Variants in EIF4G3 observed in about 807,000 individuals in gnomAD.
EIF4G3 encodes the protein eukaryotic translation initiation factor 4 gamma 3.
A neutral mutation model predicts 186.4 loss-of-function variants in EIF4G3; 34 were observed. The observed-to-expected ratio is 0.18, with a 90% CI of 0.14 to 0.24. The LOEUF is 0.24. Ranked by LOEUF, EIF4G3 falls within the 10% of genes least tolerant of loss-of-function variation. The pLI, the probability that EIF4G3 is intolerant of heterozygous loss-of-function variation, is 1.00. For missense variants in EIF4G3, 1,536 were observed against 1,948.5 expected, an observed-to-expected ratio of 0.79 and a Z score of 3.99; for synonymous variants, 673 against 679.5, an observed-to-expected ratio of 0.99 and a Z score of 0.15.
intron 14 of EIF4G3, among the ~76,000 whole-genome samples, chr1:20,926,164 G>A (rs1297880469): frequency 2.6e-5 from 4 of 152,112 alleles, no homozygotes; most frequent in African/African-American, 9.7e-5. Context: ...CTTAATTTGA[G>A]AGGCAATATT....
chr1:21,057,424 C>T (rs951024369), intron 3 of EIF4G3, among the ~76,000 whole-genome samples: 12 of 152,036 alleles, frequency 7.9e-5, no homozygotes, highest in African/African-American at 2.9e-4. Context: ...TTCCATTTAT[C>T]CAAATATCCA....
At chr1:20,921,695 G>T (rs1456688898) in intron 14 of EIF4G3, among the ~76,000 whole-genome samples, 2 of 152,206 alleles carry the variant, frequency 1.3e-5, no homozygotes, top group African/African-American at 4.8e-5. Context: ...CAGGTGAGGA[G>T]ATAATGCTTA....
intron 10 of EIF4G3, among the ~76,000 whole-genome samples, chr1:20,976,904 G>A (rs4654892): frequency 0.94 from 143,601 of 152,220 alleles, 68,290 homozygotes; most frequent in Middle Eastern, 1. Context: ...ATCATAAATT[G>A]TGATTCATTC....
intron 8 of EIF4G3, among the ~76,000 whole-genome samples, chr1:20,981,749 CATAT>C (rs1039366104): frequency 4.1e-5 from 6 of 147,570 alleles, no homozygotes; most frequent in Admixed American, 6.9e-5. Flanking sequence ...TATACACATA[CATAT>C]ATGTATACAC....
At chr1:21,024,873 C>T (rs2091805479) in intron 4 of EIF4G3, among the ~76,000 whole-genome samples, 1 of 142,114 alleles carries the variant, frequency 7.0e-6, no homozygotes, top group African/African-American at 2.6e-5. Flanking sequence ...TGAGAAACAC[C>T]CAATAATTAT....
intron 32 of EIF4G3, among the ~76,000 whole-genome samples, chr1:20,825,858 C>A (rs1455084850): frequency 6.6e-6 from 1 of 151,994 alleles, no homozygotes; most frequent in African/African-American, 2.4e-5. Context: ...AAGGTTGAGC[C>A]CAAGAGAGAG....
intron 12 of EIF4G3, among the ~76,000 whole-genome samples, chr1:20,968,676 C>T (rs1339525088): frequency 6.6e-6 from 1 of 152,028 alleles, no homozygotes; most frequent in Non-Finnish European, 1.5e-5. Flanking sequence ...TTCAGAGATT[C>T]AACCAACGGT....
chr1:21,143,066 T>C (rs562214199), intron 2 of EIF4G3, among the ~76,000 whole-genome samples: 6 of 152,066 alleles, frequency 3.9e-5, no homozygotes, highest in South Asian at 4.1e-4. Flanking sequence ...CTGACCAACA[T>C]GATGAAACCC....
intron 14 of EIF4G3, among the ~76,000 whole-genome samples, chr1:20,934,188 T>C (rs564722312): frequency 3.3e-5 from 5 of 152,302 alleles, no homozygotes; most frequent in African/African-American, 1.2e-4. Context: ...GGAAGATAAA[T>C]GTGTGTCTAC....
chr1:21,096,908 G>A (rs2096386800), intron 2 of EIF4G3, among the ~76,000 whole-genome samples: 1 of 152,166 alleles, frequency 6.6e-6, no homozygotes, highest in Non-Finnish European at 1.5e-5. Flanking sequence ...TAATGTGCTA[G>A]AAGTTTCAGT....
At chr1:21,035,911 CT>C (rs1448566261) in intron 4 of EIF4G3, among the ~76,000 whole-genome samples, 1 of 152,184 alleles carries the variant, frequency 6.6e-6, no homozygotes, top group Non-Finnish European at 1.5e-5. Flanking sequence ...ACCACCTCCC[CT>C]GTAAGGCCCA....
At chr1:20,999,381 C>A in intron 6 of EIF4G3, 1 of 379,440 alleles carries the variant, frequency 2.6e-6, no homozygotes, top group Non-Finnish European at 5.3e-6. Context: ...CAGGCAATAC[C>A]ACCCATGTGG....
intron 2 of EIF4G3, among the ~76,000 whole-genome samples, chr1:21,164,165 C>G (rs1365850188): frequency 6.6e-6 from 1 of 152,124 alleles, no homozygotes; most frequent in East Asian, 1.9e-4. Context: ...CCTGACAGAA[C>G]TAACACTATG....
rs534916821 is a variant in EIF4G3, at chr1:21,014,297, T to C, written c.-66-11489A>G. Among the ~76,000 whole-genome samples the C allele has an allele frequency of 6.7e-4, 102 of 152,360 alleles. 1 individual carries two copies. The highest frequency in any genetic ancestry group is 2.2e-3 in the African/African-American group (93 of 41,592). ...AGTTCAAAAGTTAAAGACAAGTTCC[T>C]GGGGTATTTGGTTTTTATTTCTTTT... is the stretch of plus-strand genomic sequence containing the variant. On this transcript the variant is annotated intron_variant, in intron 4 of 36. Transcript: ENST00000602326.
chr1:21,051,959 G>A (rs901919069), intron 3 of EIF4G3, among the ~76,000 whole-genome samples: 4 of 152,062 alleles, frequency 2.6e-5, no homozygotes, highest in African/African-American at 9.7e-5. Context: ...GTTTACGTAT[G>A]CATATAATAC....
intron 2 of EIF4G3, among the ~76,000 whole-genome samples, chr1:21,165,283 A>G (rs1284365278): frequency 1.3e-5 from 2 of 152,240 alleles, no homozygotes; most frequent in Admixed American, 6.5e-5. Context: ...GCTCCTCCAA[A>G]TGTTAAACAT....
At chr1:20,991,522 C>A (rs78013356) in intron 7 of EIF4G3, among the ~76,000 whole-genome samples, 5 of 151,288 alleles carry the variant, frequency 3.3e-5, no homozygotes, top group Non-Finnish European at 7.4e-5. Flanking sequence ...GAGCTGAGAT[C>A]GTGCCACTGC....
In EIF4G3 at chr1:21,006,286, G is replaced by A. The variant is rs147031887; in HGVS notation, c.-66-3478C>T. Among the ~76,000 whole-genome samples, 285 of 152,246 alleles carry A rather than the reference G, an allele frequency of 1.9e-3. 1 individual carries two copies. The highest frequency in any genetic ancestry group is 6.4e-3 in the African/African-American group (266 of 41,530). On this transcript the variant is annotated intron_variant, in intron 4 of 36. Transcript: ENST00000602326. Reference sequence around the variant, plus strand: ...TTGAAAAACAATGCAAAATTTCAGTGGGAACATACTTTGACCATGTTTCAT... The same window carrying A: ...TTGAAAAACAATGCAAAATTTCAGTAGGAACATACTTTGACCATGTTTCAT...
intron 6 of EIF4G3, among the ~76,000 whole-genome samples, chr1:20,997,988 C>T (rs1039345323): frequency 8.7e-5 from 13 of 149,614 alleles, no homozygotes; most frequent in Non-Finnish European, 1.2e-4. Flanking sequence ...TTAAGACAAA[C>T]ATGAAAATCA....
Sources: allele counts gnomAD v4.1 joint callset (sites outside exome capture counted in the v4.1 genomes callset), GRCh38; gene constraint gnomAD v4.1.1; transcripts MANE v1.5; gene names NCBI Gene and HGNC (gene_info 2026-07-23, HGNC 2026-07-21).